ANXA4: variants seen among roughly 807,000 people sequenced by gnomAD.
ANXA4 encodes the protein annexin A4, also known as 35-beta calcimedin.
ANXA4 carries 39 observed loss-of-function variants against 49.8 expected under a neutral mutation model. That is an observed-to-expected ratio of 0.78 (90% CI 0.61 to 1.02). The LOEUF (loss-of-function observed/expected upper bound fraction) is 1.02. Ranked by LOEUF, ANXA4 falls within the 50% of genes least tolerant of loss-of-function variation. ANXA4 has a pLI of 0.00. For synonymous variants in ANXA4, 134 were observed against 152.5 expected, an observed-to-expected ratio of 0.88 and a Z score of 0.89; for missense variants, 360 against 410.1, an observed-to-expected ratio of 0.88 and a Z score of 1.05.
At position 69,786,045 on chromosome 2, in the gene ANXA4, G is replaced by A. The variant is rs182905675; in HGVS notation, c.10-2009G>A. Among the ~76,000 whole-genome samples the A allele has an allele frequency of 1.7e-4, 26 of 152,218 alleles. No individual in the cohort carries two copies. The East Asian group carries it at 2.3e-3, about 14-fold the overall frequency. Reference sequence around the variant, plus strand: ...TGGATGTGACCTCTAGACTTATACCGTATAACCAATTGTCTTTTTGACAAT... The same window carrying A: ...TGGATGTGACCTCTAGACTTATACCATATAACCAATTGTCTTTTTGACAAT... On this transcript the variant is annotated intron_variant, in intron 2 of 12. Coordinates refer to ENST00000394295, the MANE Select transcript of ANXA4 (RefSeq NM_001153.5).
intron 1 of ANXA4, among the ~76,000 whole-genome samples, chr2:69,751,334 T>C (rs1670833365): frequency 6.6e-6 from 1 of 151,898 alleles, no homozygotes; most frequent in African/African-American, 2.4e-5. Context: ...GGCGAAACCC[T>C]TTCTCTACCA....
At chr2:69,644,309 G>T (rs1675913202), upstream of ANXA4, 1 of 152,180 alleles carries the variant, frequency 6.6e-6, no homozygotes, top group Non-Finnish European at 1.5e-5. Context: ...TAACCGCTTA[G>T]CCCCTAGCGG....
At chr2:69,692,290 T>TA (rs1240458118) in intron 2 of ANXA4, among the ~76,000 whole-genome samples, 1 of 152,260 alleles carries the variant, frequency 6.6e-6, no homozygotes, top group Non-Finnish European at 1.5e-5. Flanking sequence ...GGCATGATGA[T>TA]ATGCATTATG....
chr2:69,680,131 C>T (rs919662857), intron 2 of ANXA4, among the ~76,000 whole-genome samples: 1 of 152,124 alleles, frequency 6.6e-6, no homozygotes, highest in Non-Finnish European at 1.5e-5. Context: ...TTCTTCTGAT[C>T]TATGAACAAA....
intron 2 of ANXA4, among the ~76,000 whole-genome samples, chr2:69,690,413 A>G (rs1677923521): frequency 6.6e-6 from 1 of 151,724 alleles, no homozygotes; most frequent in Non-Finnish European, 1.5e-5. Flanking sequence ...TAATTTTTGT[A>G]TTTTTAGTAG....
chr2:69,798,714 A>G (rs1320265891), intron 3 of ANXA4, among the ~76,000 whole-genome samples: 2 of 152,216 alleles, frequency 1.3e-5, no homozygotes, highest in East Asian at 1.9e-4. Flanking sequence ...GGTGTTTTTG[A>G]TAGTTATTTG....
chr2:69,675,805 C>T (rs923966371), intron 2 of ANXA4, among the ~76,000 whole-genome samples: 8 of 151,786 alleles, frequency 5.3e-5, no homozygotes, highest in Admixed American at 2.0e-4. Context: ...GGGCAGATCA[C>T]GAGGTCAGGA....
intron 2 of ANXA4, among the ~76,000 whole-genome samples, chr2:69,694,104 C>T (rs965203003): frequency 2.6e-5 from 4 of 152,096 alleles, no homozygotes; most frequent in African/African-American, 9.7e-5. Flanking sequence ...TTTGTGTCTC[C>T]CCTCAACCCC....
intron 2 of ANXA4, among the ~76,000 whole-genome samples, chr2:69,711,303 A>G (rs1456056823): frequency 6.6e-6 from 1 of 152,192 alleles, no homozygotes; most frequent in Non-Finnish European, 1.5e-5. Context: ...ATGTCCATCT[A>G]CTGATGAATG....
chr2:69,801,213 C>G (rs945159809), intron 3 of ANXA4, among the ~76,000 whole-genome samples: 2 of 152,072 alleles, frequency 1.3e-5, no homozygotes, highest in African/African-American at 4.8e-5. Flanking sequence ...CATGCCTGGC[C>G]CCCAGGTAGC....
At chr2:69,701,796 T>G (rs1458161287) in intron 2 of ANXA4, among the ~76,000 whole-genome samples, 2 of 147,700 alleles carry the variant, frequency 1.4e-5, no homozygotes, top group African/African-American at 5.2e-5. Flanking sequence ...TGGTCACCGT[T>G]TCACAGATTT....
At chr2:69,706,600 T>C (rs1325609284) in intron 2 of ANXA4, among the ~76,000 whole-genome samples, 5 of 152,012 alleles carry the variant, frequency 3.3e-5, no homozygotes, top group African/African-American at 9.7e-5. Flanking sequence ...CCGCGCCCAG[T>C]CGGTACAATT....
chr2:69,663,831 A>G (rs1470613967), intron 2 of ANXA4, among the ~76,000 whole-genome samples: 2 of 152,242 alleles, frequency 1.3e-5, no homozygotes, highest in Non-Finnish European at 2.9e-5. Flanking sequence ...GAAGGGAAAG[A>G]AATAAGAAAG....
chr2:69,787,917 C>T (rs1672482993), intron 2 of ANXA4, 137 bp from the exon 3 acceptor site: 1 of 682,742 alleles, frequency 1.5e-6, no homozygotes, highest in Non-Finnish European at 2.5e-6. Flanking sequence ...CTTAATTTTT[C>T]ATGGTCACTA....
At chr2:69,817,281 A>C (rs1380175348) in intron 9 of ANXA4, 2 of 152,254 alleles carry the variant, frequency 1.3e-5, no homozygotes, top group African/African-American at 4.8e-5. Flanking sequence ...TATTTTAAGC[A>C]CTGTTTGGAC....
intron 2 of ANXA4, among the ~76,000 whole-genome samples, chr2:69,717,771 C>T (rs1315540421): frequency 1.3e-5 from 2 of 152,154 alleles, no homozygotes; most frequent in Non-Finnish European, 2.9e-5. Context: ...ACTGGTACCT[C>T]ATCCAGTTTG....
chr2:69,712,070 G>C (rs2105408791), intron 2 of ANXA4, among the ~76,000 whole-genome samples: 1 of 151,264 alleles, frequency 6.6e-6, no homozygotes, highest in Admixed American at 6.6e-5. Flanking sequence ...TTTCCTGGGG[G>C]GTCTTAGACA....
At chr2:69,744,343 G>A (rs1670528192) in intron 1 of ANXA4, among the ~76,000 whole-genome samples, 1 of 152,004 alleles carries the variant, frequency 6.6e-6, no homozygotes, top group African/African-American at 2.4e-5. Context: ...ACAAGAGGAG[G>A]AGATTTTCTT....
rs535889587 is a variant in ANXA4, at chr2:69,756,469, A to T, written c.-47+14294A>T. On this transcript the variant is annotated intron_variant, in intron 1 of 12. Coordinates refer to ENST00000394295, the MANE Select transcript of ANXA4 (RefSeq NM_001153.5). Reference sequence around the variant, plus strand: ...TAGCAATGAGAAAGAGATACTTTTTAAAAAAAGTTTTTATTACTGATCACA... The same window carrying T: ...TAGCAATGAGAAAGAGATACTTTTTTAAAAAAGTTTTTATTACTGATCACA... 7.6e-4 allele frequency among the ~76,000 whole-genome samples: 116 copies of T among 152,326 alleles called. 1 individual carries two copies. The highest frequency in any genetic ancestry group is 3.4e-3 in the Middle Eastern group (1 of 294).
Sources: allele counts gnomAD v4.1 joint callset (sites outside exome capture counted in the v4.1 genomes callset), GRCh38; gene constraint gnomAD v4.1.1; transcripts MANE v1.5; gene names NCBI Gene and HGNC (gene_info 2026-07-23, HGNC 2026-07-21).